Variants in QPCT observed in about 807,000 individuals in gnomAD.
QPCT encodes the protein EC.
A neutral mutation model predicts 43.4 loss-of-function variants in QPCT; 44 were observed. The ratio of observed to expected loss-of-function variants is 1.01; its 90% CI spans 0.80 to 1.30. QPCT has a LOEUF of 1.30. QPCT is among the 50% of genes most tolerant of loss of function. The pLI is 0.00. For missense variants in QPCT, 526 were observed against 436.5 expected, an observed-to-expected ratio of 1.21 and a Z score of -1.83; for synonymous variants, 168 against 168.4, an observed-to-expected ratio of 1.00 and a Z score of 0.02.
chr2:37,362,345 C>T (rs140018036), intron 3 of QPCT, among the ~76,000 whole-genome samples: 2,231 of 152,274 alleles, frequency 0.015, 26 homozygotes, highest in South Asian at 0.024. Flanking sequence ...AAGCACCTTA[C>T]AATTTTTGCC....
chr2:37,359,538 A>C (rs2302651), intron 2 of QPCT, 42 bp from the exon 3 acceptor site: 7 of 1,553,372 alleles, frequency 4.5e-6, no homozygotes, highest in Non-Finnish European at 6.1e-6. Flanking sequence ...AATGAAAGCC[A>C]TTTCTTTAGA....
At chr2:37,347,170 T>TATAACATATATATAACATATATATAAC (rs1672512418) in intron 1 of QPCT, among the ~76,000 whole-genome samples, 1 of 52,850 alleles carries the variant, frequency 1.9e-5, no homozygotes, top group African/African-American at 8.5e-5. Context: ...ATATAACATA[T>TATAACATATATATAACATATATATAAC]ATATATATAA....
intron 3 of QPCT, among the ~76,000 whole-genome samples, chr2:37,366,949 C>T (rs1159333393): frequency 6.6e-6 from 1 of 152,168 alleles, no homozygotes; most frequent in African/African-American, 2.4e-5. Flanking sequence ...TTCATCACAG[C>T]ACTTTCATTG....
At chr2:37,360,085 G>C in intron 3 of QPCT, 1 of 533,900 alleles carries the variant, frequency 1.9e-6, no homozygotes, top group Admixed American at 3.5e-5. Context: ...TGATTTATCA[G>C]CCTTGAATGC....
rs1342677777 is a variant in QPCT, at chr2:37,344,860, C to A, written c.120+9C>A. 6.3e-7 allele frequency: 1 copy of A among 1,576,366 alleles called. No individual in the cohort carries two copies. Among genetic ancestry groups the A allele is most frequent in the African/African-American group, 1.4e-5 (1 of 73,080 alleles). On this transcript the variant is annotated intron_variant, in intron 1 of 6. Coordinates refer to ENST00000338415, the MANE Select transcript of QPCT (RefSeq NM_012413.4). ...CCTGGCCAGAGGAGAAGGTGAGGGG[C>A]TGTTTCTGCGTAGTTGTACTTGAGC...
At chr2:37,369,809 T>G in intron 5 of QPCT, 25 bp downstream of exon 5, 1 of 1,505,134 alleles carries the variant, frequency 6.6e-7, no homozygotes, top group Non-Finnish European at 9.2e-7. Flanking sequence ...TATTAATGAA[T>G]AAAACATCAT....
At chr2:37,345,262 G>A (rs922745801) in intron 1 of QPCT, among the ~76,000 whole-genome samples, 1 of 152,038 alleles carries the variant, frequency 6.6e-6, no homozygotes, top group Admixed American at 6.5e-5. Flanking sequence ...GCGCCTGGGG[G>A]TGTGCCCACA....
intron 2 of QPCT, among the ~76,000 whole-genome samples, chr2:37,357,039 C>T (rs1321926523): frequency 6.7e-6 from 1 of 150,334 alleles, no homozygotes; most frequent in Non-Finnish European, 1.5e-5. Flanking sequence ...TCAGGAAAAA[C>T]TCTTTTGAGG....
At chr2:37,367,511 G>A in intron 4 of QPCT, 103 bp downstream of exon 4, 1 of 1,177,500 alleles carries the variant, frequency 8.5e-7, no homozygotes, top group Non-Finnish European at 1.2e-6. Flanking sequence ...AGCATCCTTG[G>A]AGCACAGTGT....
At position 37,352,925 on chromosome 2, in the gene QPCT, C is replaced by T; in HGVS notation, c.257C>T (p.Ala86Val). Residue 86 changes from alanine (A) to valine (V), a missense_variant, in exon 2 of 7, where the codon GCT (alanine) becomes GTT (valine). Coordinates refer to ENST00000338415, the MANE Select transcript of QPCT (RefSeq NM_012413.4). ...TACCCGGGATCCCCTGGAAGCTATG[C>T]TGCTCGTCAGGTGAGAACATGGGAC... ...ERYPGSPGSY[A>V]ARQHIMQRIQ... The T allele has an allele frequency of 6.2e-7, 1 of 1,613,526 alleles. No individual in the cohort carries two copies. Among genetic ancestry groups the T allele is most frequent in the South Asian group, 1.1e-5 (1 of 91,042 alleles).
At chr2:37,357,478 C>T (rs909910190) in intron 2 of QPCT, among the ~76,000 whole-genome samples, 2 of 152,018 alleles carry the variant, frequency 1.3e-5, no homozygotes, top group Non-Finnish European at 2.9e-5. Context: ...TTAGAATGAA[C>T]CCATATTTAC....
intron 4 of QPCT, chr2:37,368,784 G>A: frequency 2.1e-5 from 9 of 426,306 alleles, no homozygotes; most frequent in South Asian, 1.6e-4. Flanking sequence ...CCAAATATAT[G>A]AAGCCACAGT....
Position 37,367,375 on chromosome 2 carries a change from T to A in QPCT, c.690T>A (p.Pro230=). The A allele has an allele frequency of 1.2e-6, 2 of 1,613,874 alleles. No homozygotes were observed. Among genetic ancestry groups the A allele is most frequent in the Non-Finnish European group, 1.7e-6 (2 of 1,179,840 alleles). ...AGATGGCATCGACCCCGCACCCACCTGGAGCGAGAGGCACCAGCCAACTGC... is the reference window on the plus strand; with the variant it reads ...AGATGGCATCGACCCCGCACCCACCAGGAGCGAGAGGCACCAGCCAACTGC... ...AAKMASTPHP[P]GARGTSQLHG... Residue 230 remains proline (P), a synonymous_variant, in exon 4 of 7, where the codon CCT becomes CCA. Transcript: ENST00000338415.
chr2:37,359,725 C>T lies in QPCT; in HGVS notation c.413C>T (p.Ala138Val). ...NPTAKRHLVL[A>V]CHYDSKYFSH... ...ACTGCTAAACGACATTTGGTCCTCG[C>T]CTGCCACTATGACTCCAAGTATTTT... The change falls in exon 3 of 7, where the codon GCC becomes GTC. Residue 138 changes from alanine (A) to valine (V), a missense_variant. By Grantham distance (64) the Ala-to-Val change is moderately conservative. Coordinates refer to ENST00000338415, the MANE Select transcript of QPCT (RefSeq NM_012413.4). 1.2e-6 allele frequency: 2 copies of T among 1,614,154 alleles called. No individual in the cohort carries two copies. Among genetic ancestry groups the T allele is most frequent in the Non-Finnish European group, 1.7e-6 (2 of 1,180,014 alleles).
rs4670697 is a variant in QPCT at position 37,372,845 on chromosome 2, G to T, written c.*18G>T. On this transcript the variant is annotated 3_prime_UTR_variant, in exon 7 of 7. Transcript: ENST00000338415. Reference sequence around the variant, plus strand: ...ATTTGTAATACTCTGATTTAGTTTAGGATAATTGGTTCTAGAATTGAATTC... The same window carrying T: ...ATTTGTAATACTCTGATTTAGTTTATGATAATTGGTTCTAGAATTGAATTC... 110,554 of 1,578,860 alleles carry T rather than the reference G, an allele frequency of 0.07. 9,923 individuals carry two copies. The highest frequency in any genetic ancestry group is 0.4 in the East Asian group (17,834 of 44,412).
At chr2:37,356,936 G>GA (rs1306277963) in intron 2 of QPCT, among the ~76,000 whole-genome samples, 8 of 151,352 alleles carry the variant, frequency 5.3e-5, no homozygotes, top group African/African-American at 9.8e-5. Context: ...GAACCAGGGA[G>GA]TTGGAGGTTG....
chr2:37,345,275 C>A (rs1223067357), intron 1 of QPCT, among the ~76,000 whole-genome samples: 2 of 150,756 alleles, frequency 1.3e-5, no homozygotes, highest in African/African-American at 2.4e-5. Flanking sequence ...TGCCCACAGC[C>A]CCCCCGCTGC....
At chr2:37,352,152 C>CA (rs908318558) in intron 1 of QPCT, among the ~76,000 whole-genome samples, 4 of 151,902 alleles carry the variant, frequency 2.6e-5, no homozygotes, top group African/African-American at 4.8e-5. Context: ...CCTAATATGT[C>CA]AAAAAATTAC....
chr2:37,368,444 C>G (rs1201037398), intron 4 of QPCT: 4 of 349,338 alleles, frequency 1.1e-5, no homozygotes, highest in Middle Eastern at 3.9e-4. Flanking sequence ...AGCCCCGGTG[C>G]CTTCATCCCT....
Sources: gnomAD v4.1 joint callset for allele counts (sites outside exome capture counted in the v4.1 genomes callset) on GRCh38, gnomAD v4.1.1 for gene constraint, MANE v1.5 for transcripts, NCBI Gene and HGNC (gene_info 2026-07-23, HGNC 2026-07-21) for gene names.